The following UBE4B variants were observed in gnomAD, a reference collection of about 807,000 sequenced individuals.
UBE4B encodes ubiquitination factor E4B, also known as ubiquitin conjugation factor E4 B.
UBE4B carries 27 observed loss-of-function variants against 148.1 expected under a neutral mutation model. That is an observed-to-expected ratio of 0.18 (90% CI 0.13 to 0.25). The LOEUF is 0.25. UBE4B is among the 10% of genes least tolerant of loss of function. The pLI is 1.00. For synonymous variants in UBE4B, 596 were observed against 619.3 expected, an observed-to-expected ratio of 0.96 and a Z score of 0.56; for missense variants, 1,170 against 1,662.4, an observed-to-expected ratio of 0.70 and a Z score of 5.15.
rs754600280 is a variant in UBE4B at position 10,144,922 on chromosome 1, G to A, written c.2364-18G>A. ...TCCGGCTGTTTTCTTTCATTTGACT[G>A]TTAGTCTTTGATTTCAGAACTGTAG... On this transcript the variant is annotated intron_variant, in intron 17 of 27. Transcript: ENST00000343090. The A allele has an allele frequency of 2.3e-5, 37 of 1,590,696 alleles. No homozygotes were observed. The highest frequency in any genetic ancestry group is 2.3e-5 in the Non-Finnish European group (27 of 1,160,978).
chr1:10,105,108 A>G (rs1190011815), intron 5 of UBE4B, among the ~76,000 whole-genome samples: 2 of 152,216 alleles, frequency 1.3e-5, no homozygotes, highest in South Asian at 2.1e-4. Context: ...ATATTAACCC[A>G]GTTGCATTTG....
chr1:10,087,407 A>G (rs913868872), intron 2 of UBE4B, among the ~76,000 whole-genome samples: 1 of 152,190 alleles, frequency 6.6e-6, no homozygotes, highest in African/African-American at 2.4e-5. Flanking sequence ...TGTCTGGTTC[A>G]TTTGTCAAAA....
intron 19 of UBE4B, among the ~76,000 whole-genome samples, chr1:10,148,794 G>A (rs1570981766): frequency 6.6e-6 from 1 of 151,954 alleles, no homozygotes; most frequent in African/African-American, 2.4e-5. Context: ...ACAAAAATTA[G>A]CCAGGTATGG....
chr1:10,033,835 C>A, intron 1 of UBE4B, 141 bp downstream of exon 1: 1 of 849,884 alleles, frequency 1.2e-6, no homozygotes. Context: ...TAACGTGACT[C>A]CCCGATAGGG....
intron 1 of UBE4B, among the ~76,000 whole-genome samples, chr1:10,049,706 A>G (rs1643992170): frequency 6.6e-6 from 1 of 152,022 alleles, no homozygotes; most frequent in African/African-American, 2.4e-5. Flanking sequence ...TTTGAGACCA[A>G]CTTGGACAAC....
chr1:10,148,260 T>C (rs1279198565), intron 19 of UBE4B, among the ~76,000 whole-genome samples: 1 of 151,798 alleles, frequency 6.6e-6, no homozygotes, highest in Non-Finnish European at 1.5e-5. Context: ...CTCTGTTGTT[T>C]CCGTTTGAGT....
At chr1:10,127,350 A>C (rs182341369) in intron 11 of UBE4B, among the ~76,000 whole-genome samples, 1 of 152,216 alleles carries the variant, frequency 6.6e-6, no homozygotes, top group South Asian at 2.1e-4. Flanking sequence ...TCCTAAGGTC[A>C]TATTTACTTG....
At chr1:10,117,027 T>A (rs768545317) in intron 7 of UBE4B, among the ~76,000 whole-genome samples, 67 of 152,338 alleles carry the variant, frequency 4.4e-4, no homozygotes, top group Admixed American at 1.3e-3. Flanking sequence ...AGATCCATGG[T>A]AGAAGTCACA....
chr1:10,136,008 A>G (rs981351280), intron 16 of UBE4B, among the ~76,000 whole-genome samples: 3 of 148,906 alleles, frequency 2.0e-5, no homozygotes, highest in South Asian at 2.1e-4. Flanking sequence ...TCCTCCCAGT[A>G]GTAACATTAT....
intron 1 of UBE4B, among the ~76,000 whole-genome samples, chr1:10,064,568 G>T (rs140137914): frequency 9.9e-5 from 15 of 152,206 alleles, no homozygotes; most frequent in African/African-American, 2.4e-4. Context: ...TGCTGCCAGG[G>T]CTTCCTGTGT....
chr1:10,158,576 C>T (rs528125205), intron 22 of UBE4B, 94 bp downstream of exon 22: 1 of 1,496,252 alleles, frequency 6.7e-7, no homozygotes, highest in Admixed American at 2.0e-5. Context: ...TTCTTGTTGA[C>T]TGTTTGCTTG....
At chr1:10,079,276 A>G (rs1557535045) in intron 2 of UBE4B, among the ~76,000 whole-genome samples, 1 of 152,112 alleles carries the variant, frequency 6.6e-6, no homozygotes, top group Non-Finnish European at 1.5e-5. Flanking sequence ...TTCCTGCCTC[A>G]ACCTCCTGAG....
At chr1:10,116,299 C>T (rs1012717932) in intron 7 of UBE4B, among the ~76,000 whole-genome samples, 12 of 152,148 alleles carry the variant, frequency 7.9e-5, no homozygotes, top group African/African-American at 9.7e-5. Context: ...TGTGCCACCA[C>T]GCCCAACAAA....
At chr1:10,038,172 C>T (rs1643613613) in intron 1 of UBE4B, among the ~76,000 whole-genome samples, 1 of 151,056 alleles carries the variant, frequency 6.6e-6, no homozygotes, top group Admixed American at 6.6e-5. Context: ...CCGAGGTACT[C>T]AGGAGGCTGA....
intron 25 of UBE4B, among the ~76,000 whole-genome samples, chr1:10,172,250 G>T (rs1005320976): frequency 7.2e-5 from 11 of 152,094 alleles, no homozygotes; most frequent in Non-Finnish European, 1.6e-4. Context: ...TAAAGGGCTG[G>T]CCCCCTCCAT....
At chr1:10,099,335 C>T (rs1289668032) in intron 3 of UBE4B, among the ~76,000 whole-genome samples, 1 of 152,148 alleles carries the variant, frequency 6.6e-6, no homozygotes, top group Non-Finnish European at 1.5e-5. Context: ...GCATTCCTGT[C>T]TGCCAGCAAC....
intron 4 of UBE4B, among the ~76,000 whole-genome samples, chr1:10,101,446 TGTAATAGGAACTAA>T: frequency 6.7e-6 from 1 of 149,814 alleles, no homozygotes. Context: ...AAATTTAGGT[TGTAATAGGAACTAA>T]TTTAGAGCAA....
intron 1 of UBE4B, among the ~76,000 whole-genome samples, chr1:10,067,494 A>T (rs1644409856): frequency 1.3e-5 from 2 of 152,186 alleles, no homozygotes; most frequent in Non-Finnish European, 2.9e-5. Flanking sequence ...AAGTCAAGTA[A>T]ACAATGAGAA....
chr1:10,103,640 T>G (rs1486247934), intron 5 of UBE4B, among the ~76,000 whole-genome samples: 3 of 147,912 alleles, frequency 2.0e-5, no homozygotes, highest in African/African-American at 4.9e-5. Flanking sequence ...TTGTTTTTTT[T>G]TTTTTTTTTG....
Sources: gnomAD v4.1 joint callset for allele counts (sites outside exome capture counted in the v4.1 genomes callset) on GRCh38, gnomAD v4.1.1 for gene constraint, MANE v1.5 for transcripts, NCBI Gene and HGNC (gene_info 2026-07-23, HGNC 2026-07-21) for gene names.